Variants in CDH18 observed in about 807,000 individuals in gnomAD.
CDH18 encodes the protein cadherin 18.
CDH18 carries 31 observed loss-of-function variants against 67.9 expected under a neutral mutation model. That is an observed-to-expected ratio of 0.46 (90% confidence interval 0.34 to 0.62). The LOEUF (loss-of-function observed/expected upper bound fraction) is 0.62. CDH18 is among the 20% of genes least tolerant of loss of function. The probability of loss-of-function intolerance (pLI) is 0.01; values close to 1 mark genes in which losing one functional copy is unlikely to be tolerated. For missense variants in CDH18, 890 were observed against 975.5 expected, an observed-to-expected ratio of 0.91 and a Z score of 1.17; for synonymous variants, 362 against 347.2, an observed-to-expected ratio of 1.04 and a Z score of -0.48.
At chr5:19,785,667 AAAAAAAAAAAAAATATATATATATAT>A (rs1775642827) in intron 3 of CDH18, among the ~76,000 whole-genome samples, 2 of 64,218 alleles carry the variant, frequency 3.1e-5, no homozygotes, top group African/African-American at 7.0e-5. Flanking sequence ...AAAAAAAAAA[AAAAAAAAAAAAAATATATATATATAT>A]ATATATATAT....
intron 1 of CDH18, among the ~76,000 whole-genome samples, chr5:20,497,810 A>G (rs549883052): frequency 2.0e-5 from 3 of 152,154 alleles, no homozygotes; most frequent in Non-Finnish European, 4.4e-5. Flanking sequence ...TTGCTATACT[A>G]TGCTGTTAGT....
chr5:19,813,181 T>G (rs1328240767), intron 3 of CDH18, among the ~76,000 whole-genome samples: 3 of 151,928 alleles, frequency 2.0e-5, no homozygotes, highest in African/African-American at 7.3e-5. Context: ...AGGAGAAATA[T>G]CTAATGTAGA....
chr5:19,508,158 T>C (rs1002870019), intron 10 of CDH18, among the ~76,000 whole-genome samples: 3 of 152,188 alleles, frequency 2.0e-5, no homozygotes, highest in African/African-American at 7.2e-5. Flanking sequence ...ATTCAATATT[T>C]CTGTTTTACA....
At chr5:20,478,582 A>C (rs1454330080) in intron 1 of CDH18, among the ~76,000 whole-genome samples, 3 of 152,174 alleles carry the variant, frequency 2.0e-5, no homozygotes, top group Non-Finnish European at 2.9e-5. Flanking sequence ...GCTCAGAAGC[A>C]ACAGAATAGA....
chr5:19,588,267 C>G (rs960218175), intron 7 of CDH18, among the ~76,000 whole-genome samples: 7 of 152,024 alleles, frequency 4.6e-5, no homozygotes, highest in South Asian at 2.1e-4. Context: ...ATCTGAATAC[C>G]CTTTATTTTT....
At chr5:20,158,136 C>T (rs537948483) in intron 2 of CDH18, among the ~76,000 whole-genome samples, 166 of 152,228 alleles carry the variant, frequency 1.1e-3, no homozygotes, top group Non-Finnish European at 1.7e-3. Flanking sequence ...ACTAGTTATA[C>T]ATAATTTAAT....
chr5:20,514,886 A>C (rs2126498580), intron 1 of CDH18, among the ~76,000 whole-genome samples: 1 of 152,230 alleles, frequency 6.6e-6, no homozygotes, highest in South Asian at 2.1e-4. Flanking sequence ...TGGTGACTTA[A>C]GCATTAGCAG....
At chr5:19,923,263 C>A (rs1249618506) in intron 2 of CDH18, among the ~76,000 whole-genome samples, 1 of 152,110 alleles carries the variant, frequency 6.6e-6, no homozygotes, top group African/African-American at 2.4e-5. Context: ...AGCAGCCAAC[C>A]AATTAGACAA....
intron 8 of CDH18, among the ~76,000 whole-genome samples, chr5:19,550,294 G>A (rs1038889990): frequency 6.6e-6 from 1 of 151,868 alleles, no homozygotes; most frequent in African/African-American, 2.4e-5. Flanking sequence ...TTAAGTTTTA[G>A]TGTACATGTG....
chr5:20,009,359 C>T (rs1231980516), intron 2 of CDH18, among the ~76,000 whole-genome samples: 1 of 152,024 alleles, frequency 6.6e-6, no homozygotes, highest in Non-Finnish European at 1.5e-5. Flanking sequence ...AAGATGCATT[C>T]TAAAATATAA....
intron 1 of CDH18, among the ~76,000 whole-genome samples, chr5:20,457,733 A>C (rs1162300456): frequency 6.6e-6 from 1 of 152,212 alleles, no homozygotes; most frequent in East Asian, 1.9e-4. Flanking sequence ...ATTTACTATA[A>C]ACAATGCCTT....
chr5:20,101,698 T>C (rs1178428146), intron 2 of CDH18, among the ~76,000 whole-genome samples: 2 of 152,118 alleles, frequency 1.3e-5, no homozygotes, highest in Non-Finnish European at 2.9e-5. Flanking sequence ...GACTAAACCA[T>C]AGAGGTATTG....
chr5:20,297,985 T>C (rs1242969419), intron 1 of CDH18, among the ~76,000 whole-genome samples: 1 of 152,210 alleles, frequency 6.6e-6, no homozygotes, highest in African/African-American at 2.4e-5. Context: ...GGAAGGCATC[T>C]GTCTTGCCGA....
At chr5:19,710,051 T>C (rs1466444375) in intron 5 of CDH18, among the ~76,000 whole-genome samples, 2 of 151,934 alleles carry the variant, frequency 1.3e-5, no homozygotes, top group African/African-American at 4.8e-5. Flanking sequence ...AGGAGAATTG[T>C]TTGAACCCAA....
At chr5:19,675,428 G>A (rs891423937) in intron 5 of CDH18, among the ~76,000 whole-genome samples, 1 of 151,988 alleles carries the variant, frequency 6.6e-6, no homozygotes, top group African/African-American at 2.4e-5. Context: ...AAAGACAGAT[G>A]TCCCCAATGG....
At chr5:20,073,307 C>T (rs2150528596) in intron 2 of CDH18, among the ~76,000 whole-genome samples, 1 of 151,378 alleles carries the variant, frequency 6.6e-6, no homozygotes, top group East Asian at 1.9e-4. Flanking sequence ...TTTCTTTTTC[C>T]ATTGTGGGGG....
intron 10 of CDH18, among the ~76,000 whole-genome samples, chr5:19,508,433 A>T (rs1176515351): frequency 6.6e-6 from 1 of 152,044 alleles, no homozygotes; most frequent in African/African-American, 2.4e-5. Flanking sequence ...ATCTTTTTTG[A>T]TTCATGTGTC....
At chr5:19,792,014 A>G (rs1776411553) in intron 3 of CDH18, among the ~76,000 whole-genome samples, 1 of 152,214 alleles carries the variant, frequency 6.6e-6, no homozygotes, top group South Asian at 2.1e-4. Flanking sequence ...ATGATAGGTA[A>G]GCAGTAACCT....
intron 2 of CDH18, among the ~76,000 whole-genome samples, chr5:19,857,771 GA>G (rs2149962253): frequency 6.6e-6 from 1 of 152,202 alleles, no homozygotes; most frequent in African/African-American, 2.4e-5. Context: ...GCAAACTTAA[GA>G]AATTCAGACT....
Sources: allele counts gnomAD v4.1 joint callset (sites outside exome capture counted in the v4.1 genomes callset), GRCh38; gene constraint gnomAD v4.1.1; transcripts MANE v1.5; gene names NCBI Gene and HGNC (gene_info 2026-07-23, HGNC 2026-07-21).